Variants in RELN observed in about 807,000 individuals in gnomAD.
The protein encoded by RELN is reelin.
A neutral mutation model predicts 427.6 loss-of-function variants in RELN; 108 were observed. The observed-to-expected ratio is 0.25, with a 90% confidence interval of 0.22 to 0.30. The LOEUF (loss-of-function observed/expected upper bound fraction) is 0.30, where lower values mean the gene tolerates loss of function less well. Ranked by LOEUF, RELN falls within the 10% of genes least tolerant of loss-of-function variation. The probability of loss-of-function intolerance (pLI) is 1.00; values close to 1 mark genes in which losing one functional copy is unlikely to be tolerated. For synonymous variants in RELN, 1,524 were observed against 1,513.4 expected (o/e 1.01, Z -0.16); for missense variants, 3,715 against 4,302.8 (o/e 0.86, Z 3.82).
At chr7:103,952,483 C>T (rs1012047456) in intron 1 of RELN, among the ~76,000 whole-genome samples, 15 of 151,974 alleles carry the variant, frequency 9.9e-5, no homozygotes, top group African/African-American at 3.6e-4. Context: ...TTTATGTCTC[C>T]TGATGCATTT....
chr7:103,663,503 A>G (rs2115571325), intron 11 of RELN, among the ~76,000 whole-genome samples: 1 of 152,260 alleles, frequency 6.6e-6, no homozygotes, highest in African/African-American at 2.4e-5. Flanking sequence ...CCATTAGCAC[A>G]AATTGGCACA....
chr7:103,891,086 A>C (rs914794167), intron 2 of RELN, among the ~76,000 whole-genome samples: 4 of 152,128 alleles, frequency 2.6e-5, no homozygotes, highest in Non-Finnish European at 2.9e-5. Context: ...TGTCTCAAAA[A>C]AACAAAACAA....
At chr7:103,705,676 A>AC (rs1272099104) in intron 8 of RELN, among the ~76,000 whole-genome samples, 1 of 152,110 alleles carries the variant, frequency 6.6e-6, no homozygotes, top group Non-Finnish European at 1.5e-5. Context: ...ACGAGAATGG[A>AC]TAGAGGGGAC....
At chr7:103,797,292 G>A (rs1287212992) in intron 3 of RELN, among the ~76,000 whole-genome samples, 1 of 152,058 alleles carries the variant, frequency 6.6e-6, no homozygotes, top group Non-Finnish European at 1.5e-5. Flanking sequence ...TTTTAGTAGA[G>A]ATGGGGTTTC....
intron 3 of RELN, among the ~76,000 whole-genome samples, chr7:103,826,403 A>T (rs1793143587): frequency 6.6e-6 from 1 of 151,052 alleles, no homozygotes; most frequent in Non-Finnish European, 1.5e-5. Context: ...ACAGAGGGCA[A>T]AATAAGTTCT....
At chr7:103,987,658 T>C (rs987094080) in intron 1 of RELN, among the ~76,000 whole-genome samples, 4 of 152,158 alleles carry the variant, frequency 2.6e-5, no homozygotes, top group Non-Finnish European at 5.9e-5. Flanking sequence ...AATCAGGCTT[T>C]GGGTTAGGTC....
chr7:103,831,875 C>G (rs1793281511), intron 3 of RELN, among the ~76,000 whole-genome samples: 1 of 152,090 alleles, frequency 6.6e-6, no homozygotes, highest in African/African-American at 2.4e-5. Context: ...AACTGGACCA[C>G]AATATGTAGG....
At chr7:103,486,734 A>T (rs142819450) in intron 60 of RELN, among the ~76,000 whole-genome samples, 151 of 152,348 alleles carry the variant, frequency 9.9e-4, no homozygotes, top group African/African-American at 3.5e-3. Context: ...TAGAATGGTG[A>T]TCATTAAAAA....
intron 11 of RELN, among the ~76,000 whole-genome samples, chr7:103,662,230 G>A (rs1179135645): frequency 6.6e-6 from 1 of 152,212 alleles, no homozygotes; most frequent in Non-Finnish European, 1.5e-5. Context: ...AGCAAAGGAA[G>A]AGGACAGTAT....
intron 3 of RELN, among the ~76,000 whole-genome samples, chr7:103,800,731 G>C (rs1359556230): frequency 6.6e-6 from 1 of 152,126 alleles, no homozygotes; most frequent in African/African-American, 2.4e-5. Flanking sequence ...TTGACAAATG[G>C]GATCTAATTA....
At chr7:103,489,284 G>A (rs1584221669) in intron 60 of RELN, among the ~76,000 whole-genome samples, 1 of 151,514 alleles carries the variant, frequency 6.6e-6, no homozygotes, top group Non-Finnish European at 1.5e-5. Flanking sequence ...CTACATCTTA[G>A]GAGAACAGTG....
At chr7:103,787,779 T>G (rs905365587) in intron 3 of RELN, among the ~76,000 whole-genome samples, 3 of 152,228 alleles carry the variant, frequency 2.0e-5, no homozygotes, top group African/African-American at 7.2e-5. Flanking sequence ...GTACCATTCC[T>G]TCTGAAACTA....
chr7:103,810,803 ACTTT>A (rs1303273874), intron 3 of RELN, among the ~76,000 whole-genome samples: 1 of 152,250 alleles, frequency 6.6e-6, no homozygotes, highest in African/African-American at 2.4e-5. Context: ...TGGAGAGTTA[ACTTT>A]CTCTCCCTTT....
intron 28 of RELN, among the ~76,000 whole-genome samples, chr7:103,576,708 C>G (rs1027225850): frequency 3.9e-5 from 6 of 152,052 alleles, no homozygotes; most frequent in Non-Finnish European, 8.8e-5. Context: ...TATTCACCTG[C>G]GCCTTCCCTC....
chr7:103,735,093 C>A (rs1324322210), intron 6 of RELN, among the ~76,000 whole-genome samples: 1 of 151,776 alleles, frequency 6.6e-6, no homozygotes, highest in Non-Finnish European at 1.5e-5. Flanking sequence ...ATAAAAGAAT[C>A]AGTAAATATA....
At chr7:103,516,295 T>TC (rs1829565311) in intron 49 of RELN, among the ~76,000 whole-genome samples, 1 of 151,556 alleles carries the variant, frequency 6.6e-6, no homozygotes, top group Non-Finnish European at 1.5e-5. Context: ...TCTTTTTTTT[T>TC]TTTTTTTGAG....
chr7:103,790,336 T>A (rs1463246330), intron 3 of RELN, among the ~76,000 whole-genome samples: 4 of 152,122 alleles, frequency 2.6e-5, no homozygotes, highest in East Asian at 1.9e-4. Flanking sequence ...ATAATAATAA[T>A]AAAATAATAT....
chr7:103,907,994 C>T (rs1795255035), intron 2 of RELN, among the ~76,000 whole-genome samples: 1 of 152,006 alleles, frequency 6.6e-6, no homozygotes, highest in Non-Finnish European at 1.5e-5. Flanking sequence ...TGTGACGTTC[C>T]TCTCCCTGTG....
In RELN at chr7:103,807,089, G is replaced by A. The variant is rs149525906; in HGVS notation, c.473+26448C>T. On this transcript the variant is annotated intron_variant, in intron 3 of 64. Coordinates refer to ENST00000428762, the MANE Select transcript of RELN (RefSeq NM_005045.4). ...GGGGAGACTGAGAGGAGGTACCGGAGCTGAGCTTTAAATGGCAACTGAGAG... is the reference window on the plus strand; with the variant it reads ...GGGGAGACTGAGAGGAGGTACCGGAACTGAGCTTTAAATGGCAACTGAGAG... 1.2e-3 allele frequency among the ~76,000 whole-genome samples: 178 copies of A among 152,304 alleles called. 3 individuals carry two copies. The highest frequency in any genetic ancestry group is 4.1e-3 in the African/African-American group (170 of 41,576).
Sources: gnomAD v4.1 joint callset for allele counts (sites outside exome capture counted in the v4.1 genomes callset) on GRCh38, gnomAD v4.1.1 for gene constraint, MANE v1.5 for transcripts, NCBI Gene and HGNC (gene_info 2026-07-23, HGNC 2026-07-21) for gene names.